Variants in KRTAP9-9 observed in about 807,000 individuals in gnomAD.
KRTAP9-9 encodes keratin-associated protein 9-9.
A neutral mutation model predicts 13.7 loss-of-function variants in KRTAP9-9; 12 were observed. The observed-to-expected ratio is 0.88, with a 90% CI of 0.56 to 1.42. KRTAP9-9 has a LOEUF of 1.42. Ranked by LOEUF, KRTAP9-9 falls within the 40% of genes most tolerant of loss-of-function variation. The pLI, the probability that KRTAP9-9 is intolerant of heterozygous loss-of-function variation, is 0.00. For synonymous variants in KRTAP9-9, 81 were observed against 78.1 expected (o/e 1.04, Z -0.19); for missense variants, 194 against 206.5 (o/e 0.94, Z 0.37).
In KRTAP9-9 at chr17:41,256,298, A is replaced by T. The variant is rs557192709; in HGVS notation, c.*403A>T. On this transcript the variant is annotated 3_prime_UTR_variant, in exon 1 of 1. Transcript: ENST00000394008. ...CTTCTTTTAATGATCACTTTGGGTT[A>T]TCTCCCTATAACCAGGGATCTTACC... is the stretch of plus-strand genomic sequence containing the variant. The T allele has an allele frequency of 1.2e-4, 33 of 274,620 alleles. 1 individual carries two copies. The South Asian group carries it at 2.3e-3, about 19-fold the overall frequency. The allele number at this position is 274,620 out of a possible 1,614,324, so 17.0% of individuals were successfully genotyped here. A position where few individuals can be genotyped will look rare whatever the true frequency, so the allele number is the denominator to read the frequency against.
chr17:41,256,231 T>A (rs1333937576), exon 1 of KRTAP9-9: 1 of 454,502 alleles, frequency 2.2e-6, no homozygotes, highest in East Asian at 4.1e-5. Flanking sequence ...TTCACAACTA[T>A]GTTTTCTTTT....
At chr17:41,255,622 C>G in exon 1 of KRTAP9-9, 4 of 1,612,044 alleles carry the variant, frequency 2.5e-6, no homozygotes, top group Non-Finnish European at 3.4e-6. Context: ...GCAGCACAAC[C>G]TGCTGCCAGC....
exon 1 of KRTAP9-9, chr17:41,255,733 C>T: frequency 6.2e-7 from 1 of 1,613,846 alleles, no homozygotes; most frequent in Non-Finnish European, 8.5e-7. Flanking sequence ...GAACCTGCTA[C>T]TACCCGACGA....
exon 1 of KRTAP9-9, chr17:41,255,450 C>T: frequency 1.9e-6 from 3 of 1,577,792 alleles, no homozygotes; most frequent in Non-Finnish European, 1.7e-6. Context: ...TGGAAGCCCA[C>T]CACTGTGACC....
exon 1 of KRTAP9-9, chr17:41,255,537 G>T: frequency 3.7e-6 from 6 of 1,613,228 alleles, no homozygotes; most frequent in Non-Finnish European, 5.1e-6. Context: ...CGCCCAGCTT[G>T]CTGTCAAAAC....
At chr17:41,255,549 C>A in exon 1 of KRTAP9-9, 3 of 1,613,828 alleles carry the variant, frequency 1.9e-6, no homozygotes, top group Non-Finnish European at 2.5e-6. Context: ...TGTCAAAACA[C>A]CTGCTGCAGG....
exon 1 of KRTAP9-9, chr17:41,255,710 G>T: frequency 6.2e-7 from 1 of 1,613,592 alleles, no homozygotes; most frequent in Middle Eastern, 1.7e-4. Flanking sequence ...CTGTGCACCT[G>T]TGTACTGCAG....
At chr17:41,256,180 T>C in exon 1 of KRTAP9-9, 1 of 575,464 alleles carries the variant, frequency 1.7e-6, no homozygotes, top group Admixed American at 3.5e-5. Flanking sequence ...CTTCATTCTC[T>C]TCACTTAAGA....
exon 1 of KRTAP9-9, chr17:41,255,524 T>A (rs564540369): frequency 3.1e-6 from 5 of 1,612,964 alleles, no homozygotes. Flanking sequence ...CCAGCCTTGC[T>A]GCCGCCCAGC....
chr17:41,255,930 A>G (rs2016316382), exon 1 of KRTAP9-9: 1 of 1,608,544 alleles, frequency 6.2e-7, no homozygotes, highest in South Asian at 1.1e-5. Flanking sequence ...TTCACACAAC[A>G]ACCTTCTGCT....
chr17:41,255,593 T>G lies in KRTAP9-9; in HGVS notation c.208T>G (p.Cys70Gly), dbSNP rs756386540. ...CTGCCAGCCCACCTGTCTGACCAGC[T>G]GCTGCCAGCCTTCCTGCTGCAGCAC... is the stretch of plus-strand genomic sequence containing the variant. The change falls in exon 1 of 1, where the codon TGC becomes GGC. Residue 70 changes from cysteine (C) to glycine (G), a missense_variant. Cys to Gly is a radical substitution (Grantham distance 159). Transcript: ENST00000394008. The G allele has an allele frequency of 2.3e-5, 37 of 1,613,554 alleles. No individual in the cohort carries two copies. In the Admixed American group the frequency reaches 6.2e-4, roughly 27 times the overall value.
At chr17:41,255,533 G>A (rs762690488) in exon 1 of KRTAP9-9, 48 of 1,612,426 alleles carry the variant, frequency 3.0e-5, no homozygotes, top group East Asian at 4.5e-5. Context: ...CTGCCGCCCA[G>A]CTTGCTGTCA....
At chr17:41,256,094 C>T (rs1027649260) in exon 1 of KRTAP9-9, 8 of 943,448 alleles carry the variant, frequency 8.5e-6, no homozygotes, top group Non-Finnish European at 1.3e-5. Flanking sequence ...TTTTCTTATA[C>T]CTTGTGAATC....
At chr17:41,255,418 T>A (rs868087103) in exon 1 of KRTAP9-9, 1 of 1,020,078 alleles carries the variant, frequency 9.8e-7, no homozygotes, top group African/African-American at 2.2e-5. Context: ...GCTGTCAGCC[T>A]ACCTGCTGCA....
exon 1 of KRTAP9-9, chr17:41,256,237 C>A (rs1315958826): frequency 2.3e-6 from 1 of 439,154 alleles, no homozygotes; most frequent in East Asian, 4.4e-5. Context: ...ACTATGTTTT[C>A]TTTTCAATAT....
chr17:41,256,354 T>C (rs2016326227), exon 1 of KRTAP9-9: 1 of 195,344 alleles, frequency 5.1e-6, no homozygotes, highest in Non-Finnish European at 1.2e-5. Context: ...AATTTGGAAC[T>C]ATTATTCATA....
exon 1 of KRTAP9-9, chr17:41,255,667 C>A (rs2016307461): frequency 1.2e-6 from 2 of 1,613,688 alleles, no homozygotes; most frequent in African/African-American, 1.3e-5. Flanking sequence ...GTGGCCAAAC[C>A]AGCTGTGGGT....
chr17:41,255,536 T>C (rs1474755197), exon 1 of KRTAP9-9: 7 of 1,613,168 alleles, frequency 4.3e-6, no homozygotes, highest in Non-Finnish European at 1.7e-6. Flanking sequence ...CCGCCCAGCT[T>C]GCTGTCAAAA....
exon 1 of KRTAP9-9, chr17:41,255,698 T>A: frequency 1.9e-6 from 3 of 1,613,308 alleles, no homozygotes; most frequent in Non-Finnish European, 2.5e-6. Flanking sequence ...CCAGAGCAGC[T>A]CCTGTGCACC....
Sources: gnomAD v4.1 joint callset for allele counts on GRCh38, gnomAD v4.1.1 for gene constraint, MANE v1.5 for transcripts, NCBI Gene and HGNC (gene_info 2026-07-23, HGNC 2026-07-21) for gene names.